Variants in POU3F3 observed in about 807,000 individuals in gnomAD.
POU3F3 encodes POU domain, class 3, transcription factor 3.
POU3F3 carries 1 observed loss-of-function variant against 8.6 expected under a neutral mutation model. That is an observed-to-expected ratio of 0.12 (90% CI 0.04 to 0.55). The LOEUF (loss-of-function observed/expected upper bound fraction) is 0.55, where lower values mean the gene tolerates loss of function less well. Among genes scored for constraint, POU3F3 ranks in the 20% least tolerant of loss-of-function variants. The pLI is 0.91. For missense variants in POU3F3, 577 were observed against 690.7 expected (o/e 0.84, Z 1.84); for synonymous variants, 418 against 327.4 (o/e 1.28, Z -2.99).
the POU3F3 span, chr2:104,867,316 G>A: frequency 6.6e-6 from 1 of 152,270 alleles, no homozygotes; most frequent in South Asian, 2.1e-4. This position sits in a 1 kb window ranked among gnomAD's most constrained non-coding sequence, Gnocchi z 5.0. Flanking sequence ...TCTCCGCTGG[G>A]GGCGAGCCCG....
the POU3F3 span, among the ~76,000 whole-genome samples, chr2:104,925,223 T>C: frequency 6.6e-6 from 1 of 152,188 alleles, no homozygotes; most frequent in Non-Finnish European, 1.5e-5. Context: ...TGGTGGGCAT[T>C]GTTGGCTATC....
At chr2:104,908,245 T>C in the POU3F3 span, among the ~76,000 whole-genome samples, 1 of 152,166 alleles carries the variant, frequency 6.6e-6, no homozygotes, top group South Asian at 2.1e-4. Flanking sequence ...CTCCCAGACA[T>C]GGATGGTTCA....
At chr2:104,875,066 A>ACC in the POU3F3 span, among the ~76,000 whole-genome samples, 2 of 151,668 alleles carry the variant, frequency 1.3e-5, no homozygotes. Context: ...TACTCTAGGG[A>ACC]CCCCATATTA....
the POU3F3 span, among the ~76,000 whole-genome samples, chr2:104,916,266 T>G: frequency 6.6e-6 from 1 of 152,186 alleles, no homozygotes; most frequent in Non-Finnish European, 1.5e-5. Context: ...CTAACTAGAT[T>G]TATTGACAGC....
At chr2:104,911,747 G>A in the POU3F3 span, among the ~76,000 whole-genome samples, 820 of 152,006 alleles carry the variant, frequency 5.4e-3, 5 homozygotes, top group African/African-American at 0.019. Context: ...GGAACCATCC[G>A]AGACTGGGAA....
At chr2:104,870,196 A>G in the POU3F3 span, among the ~76,000 whole-genome samples, 1 of 152,084 alleles carries the variant, frequency 6.6e-6, no homozygotes, top group African/African-American at 2.4e-5. Context: ...CTAAGGTAAT[A>G]CCACGCCATC....
chr2:104,877,660 CTTTTTTTT>C, the POU3F3 span, among the ~76,000 whole-genome samples: 5 of 138,836 alleles, frequency 3.6e-5, no homozygotes, highest in South Asian at 4.6e-4. Flanking sequence ...TTCTTTTTTT[CTTTTTTTT>C]TTTTTTTTTG....
the POU3F3 span, among the ~76,000 whole-genome samples, chr2:104,904,369 T>C: frequency 6.6e-6 from 1 of 152,118 alleles, no homozygotes; most frequent in Non-Finnish European, 1.5e-5. Flanking sequence ...CTGTAAAGTG[T>C]ACATAAAGTA....
At chr2:104,901,673 T>G in the POU3F3 span, among the ~76,000 whole-genome samples, 1 of 152,178 alleles carries the variant, frequency 6.6e-6, no homozygotes, top group Non-Finnish European at 1.5e-5. Context: ...AGCAGTTTGG[T>G]GTGATTTAAT....
chr2:104,866,556 G>A, the POU3F3 span: 1 of 152,222 alleles, frequency 6.6e-6, no homozygotes, highest in Non-Finnish European at 1.5e-5. Context: ...TGCTGGCTGA[G>A]TTGGGGCAAA....
the POU3F3 span, among the ~76,000 whole-genome samples, chr2:104,893,975 C>T: frequency 6.6e-4 from 100 of 151,848 alleles, no homozygotes; most frequent in East Asian, 0.017. Context: ...TCCTATGGCA[C>T]GGCTATGTAC....
chr2:104,895,709 T>G, the POU3F3 span, among the ~76,000 whole-genome samples: 4 of 152,354 alleles, frequency 2.6e-5, no homozygotes, highest in African/African-American at 9.6e-5. Flanking sequence ...CCACTTCCTA[T>G]GCCCCTATTT....
At chr2:104,879,479 T>C in the POU3F3 span, among the ~76,000 whole-genome samples, 1 of 151,954 alleles carries the variant, frequency 6.6e-6, no homozygotes, top group African/African-American at 2.4e-5. Flanking sequence ...CTTATTTTTT[T>C]CCCAATTTCT....
At chr2:104,901,632 T>G in the POU3F3 span, among the ~76,000 whole-genome samples, 57 of 152,350 alleles carry the variant, frequency 3.7e-4, 1 homozygote, top group East Asian at 0.011. Context: ...GGGGAACTGC[T>G]CACATAACAC....
the POU3F3 span, among the ~76,000 whole-genome samples, chr2:104,877,839 G>T: frequency 6.6e-6 from 1 of 151,942 alleles, no homozygotes; most frequent in East Asian, 1.9e-4. Flanking sequence ...TGTATTTTTA[G>T]TAGAGACGGG....
chr2:104,880,185 C>T, the POU3F3 span, among the ~76,000 whole-genome samples: 105 of 152,266 alleles, frequency 6.9e-4, 2 homozygotes, highest in Admixed American at 6.7e-3. Flanking sequence ...TCTCCCCACC[C>T]GCCTCCGCCC....
chr2:104,915,754 T>C, the POU3F3 span, among the ~76,000 whole-genome samples: 1 of 151,600 alleles, frequency 6.6e-6, no homozygotes, highest in Non-Finnish European at 1.5e-5. Flanking sequence ...CGGATGCAAA[T>C]CGCTGGACTG....
the POU3F3 span, among the ~76,000 whole-genome samples, chr2:104,890,178 G>A: frequency 8.5e-5 from 13 of 152,280 alleles, no homozygotes; most frequent in South Asian, 2.3e-3. Context: ...GTGGAGCCAC[G>A]AGAAGTTTGC....
the POU3F3 span, among the ~76,000 whole-genome samples, chr2:104,873,936 C>T: frequency 1.3e-5 from 2 of 152,168 alleles, no homozygotes; most frequent in Non-Finnish European, 2.9e-5. Flanking sequence ...TGTCTTAATA[C>T]GGACCCGGTG....
Sources: allele counts gnomAD v4.1 joint callset (sites outside exome capture counted in the v4.1 genomes callset), GRCh38; gene constraint gnomAD v4.1.1; non-coding constraint Gnocchi (gnomAD v3.1); transcripts MANE v1.5; gene names NCBI Gene and HGNC (gene_info 2026-07-23, HGNC 2026-07-21).